C1QTNF3: variants seen among roughly 807,000 people sequenced by gnomAD.
C1QTNF3 encodes the protein C1q and TNF related 3.
C1QTNF3 carries 26 observed loss-of-function variants against 32.6 expected under a neutral mutation model. The observed-to-expected ratio is 0.80, with a 90% CI of 0.58 to 1.11. C1QTNF3 has a LOEUF of 1.11. Among genes scored for constraint, C1QTNF3 ranks in the 50% least tolerant of loss-of-function variants. C1QTNF3 has a pLI of 0.00. For missense variants in C1QTNF3, 362 were observed against 398.2 expected (o/e 0.91, Z 0.77); for synonymous variants, 155 against 146.0 (o/e 1.06, Z -0.44).
At chr5:34,220,838 G>A in the C1QTNF3 span, among the ~76,000 whole-genome samples, 1 of 152,150 alleles carries the variant, frequency 6.6e-6, no homozygotes, top group African/African-American at 2.4e-5. Flanking sequence ...AAGCATGTGA[G>A]CCCTGGGTTT....
the C1QTNF3 span, among the ~76,000 whole-genome samples, chr5:34,090,097 G>A: frequency 2.0e-5 from 3 of 151,780 alleles, no homozygotes; most frequent in Non-Finnish European, 2.9e-5. Context: ...ACTGAAATGG[G>A]AAAACAAAAA....
At chr5:34,136,074 T>C in the C1QTNF3 span, among the ~76,000 whole-genome samples, 1 of 152,044 alleles carries the variant, frequency 6.6e-6, no homozygotes, top group Non-Finnish European at 1.5e-5. Flanking sequence ...GACATAGGCA[T>C]GGGCAAGGAC....
At chr5:34,044,247 TAAGAG>T (rs760414643), upstream of C1QTNF3, among the ~76,000 whole-genome samples, 1 of 152,176 alleles carries the variant, frequency 6.6e-6, no homozygotes, top group Non-Finnish European at 1.5e-5. Flanking sequence ...GATAATAAAT[TAAGAG>T]AATTTAAACA....
the C1QTNF3 span, among the ~76,000 whole-genome samples, chr5:34,135,123 CATGA>C: frequency 1.3e-5 from 2 of 152,176 alleles, no homozygotes; most frequent in African/African-American, 4.8e-5. Flanking sequence ...ACGTTTTCAG[CATGA>C]AGGGCTATTG....
At chr5:34,104,914 T>C in the C1QTNF3 span, among the ~76,000 whole-genome samples, 26 of 152,156 alleles carry the variant, frequency 1.7e-4, no homozygotes, top group African/African-American at 6.3e-4. Context: ...TATATTCCTA[T>C]AGGCTTCTGT....
At chr5:34,021,851 C>A (rs972826365) in intron 5 of C1QTNF3, among the ~76,000 whole-genome samples, 1 of 152,120 alleles carries the variant, frequency 6.6e-6, no homozygotes, top group African/African-American at 2.4e-5. Context: ...TTGATAGGTG[C>A]AGCAAACCAC....
chr5:34,059,563 C>T, the C1QTNF3 span, among the ~76,000 whole-genome samples: 1 of 152,108 alleles, frequency 6.6e-6, no homozygotes, highest in African/African-American at 2.4e-5. Context: ...GCAATAGGGG[C>T]TGGGGAGTTC....
At chr5:34,234,287 A>G in the C1QTNF3 span, among the ~76,000 whole-genome samples, 2 of 152,164 alleles carry the variant, frequency 1.3e-5, no homozygotes, top group Non-Finnish European at 2.9e-5. Context: ...TTGGCTAAAG[A>G]CGCATCTTTC....
At chr5:34,117,287 T>C in the C1QTNF3 span, among the ~76,000 whole-genome samples, 1 of 152,222 alleles carries the variant, frequency 6.6e-6, no homozygotes, top group Non-Finnish European at 1.5e-5. Context: ...TTCTTAGTGA[T>C]GGTTTCAGGG....
At chr5:34,070,225 A>T in the C1QTNF3 span, among the ~76,000 whole-genome samples, 1 of 152,168 alleles carries the variant, frequency 6.6e-6, no homozygotes, top group South Asian at 2.1e-4. Flanking sequence ...AAAAGACATG[A>T]GCACCAGACT....
At chr5:34,146,441 A>AT in the C1QTNF3 span, among the ~76,000 whole-genome samples, 1 of 152,244 alleles carries the variant, frequency 6.6e-6, no homozygotes, top group Non-Finnish European at 1.5e-5. Context: ...AGTCATAAAA[A>AT]TAGCATGATA....
chr5:34,030,150 G>C (rs562888457), intron 3 of C1QTNF3, among the ~76,000 whole-genome samples: 4 of 152,106 alleles, frequency 2.6e-5, no homozygotes, highest in Non-Finnish European at 4.4e-5. Flanking sequence ...CATGATTTTG[G>C]ATGAAAAAAT....
At chr5:34,027,177 T>C (rs1754483076) in intron 4 of C1QTNF3, among the ~76,000 whole-genome samples, 2 of 152,228 alleles carry the variant, frequency 1.3e-5, no homozygotes, top group South Asian at 4.1e-4. Flanking sequence ...AGTAAAAAGT[T>C]TGTAAAGTGG....
rs374841855 is a variant in C1QTNF3 at position 34,023,862 on chromosome 5, A to G, written c.800+47T>C. The G allele has an allele frequency of 2.0e-6, 3 of 1,500,226 alleles. No individual in the cohort carries two copies. The African/African-American group carries it at 4.1e-5, about 21-fold the overall frequency. The allele number at this position is 1,500,226 out of a possible 1,614,324, so 92.9% of individuals were successfully genotyped here. A position where few individuals can be genotyped will look rare whatever the true frequency, so the allele number is the denominator to read the frequency against. On this transcript the variant is annotated intron_variant, in intron 5 of 5. Coordinates refer to ENST00000382065, the MANE Select transcript of C1QTNF3 (RefSeq NM_181435.6). ...CCCTGTCATTAGGCATTCCTTGAAC[A>G]AACAATGGCAGCATGGATGAGACCC...
upstream of C1QTNF3, chr5:34,043,296 C>A: frequency 1.6e-6 from 1 of 643,822 alleles, no homozygotes; most frequent in Non-Finnish European, 2.6e-6. Context: ...AGCAGCCCTC[C>A]TCCCCAGGCA....
At chr5:34,174,888 C>A in the C1QTNF3 span, among the ~76,000 whole-genome samples, 2 of 150,336 alleles carry the variant, frequency 1.3e-5, no homozygotes, top group Admixed American at 6.9e-5. Flanking sequence ...ACAGGGACTA[C>A]AGGCGCCCAC....
the C1QTNF3 span, among the ~76,000 whole-genome samples, chr5:34,140,436 A>G: frequency 6.6e-6 from 1 of 152,226 alleles, no homozygotes; most frequent in Non-Finnish European, 1.5e-5. Context: ...GAATATAGAA[A>G]TATTATTAAT....
intron 5 of C1QTNF3, 88 bp from the exon 6 acceptor site, chr5:34,020,830 C>T: frequency 7.3e-7 from 1 of 1,363,198 alleles, no homozygotes; most frequent in South Asian, 1.3e-5. Flanking sequence ...TCTCTCCTTC[C>T]CACAGGTATA....
At chr5:34,206,998 T>C in the C1QTNF3 span, among the ~76,000 whole-genome samples, 5 of 152,226 alleles carry the variant, frequency 3.3e-5, no homozygotes, top group South Asian at 2.1e-4. Context: ...AGAAGCCACA[T>C]AGGGAGTGTG....
Sources: allele counts gnomAD v4.1 joint callset (sites outside exome capture counted in the v4.1 genomes callset), GRCh38; gene constraint gnomAD v4.1.1; transcripts MANE v1.5; gene names NCBI Gene and HGNC (gene_info 2026-07-23, HGNC 2026-07-21).